NME7: variants seen among roughly 807,000 people sequenced by gnomAD.
NME7 encodes the protein nucleoside diphosphate kinase 7.
NME7 carries 41 observed loss-of-function variants against 49.1 expected under a neutral mutation model. The ratio of observed to expected loss-of-function variants is 0.83; its 90% CI spans 0.65 to 1.08. The LOEUF (loss-of-function observed/expected upper bound fraction) is 1.08, where lower values mean the gene tolerates loss of function less well. Ranked by LOEUF, NME7 falls within the 50% of genes least tolerant of loss-of-function variation. The pLI is 0.00. For synonymous variants in NME7, 139 were observed against 150.6 expected (o/e 0.92, Z 0.56); for missense variants, 423 against 463.4 (o/e 0.91, Z 0.80).
chr1:169,159,874 T>TAGGGA (rs1659192902), intron 11 of NME7, among the ~76,000 whole-genome samples: 1 of 152,180 alleles, frequency 6.6e-6, no homozygotes, highest in Non-Finnish European at 1.5e-5. Flanking sequence ...CAAACTTCCC[T>TAGGGA]AGTTTGTGAA....
At chr1:169,255,638 G>T (rs1648894793) in intron 7 of NME7, among the ~76,000 whole-genome samples, 1 of 126,970 alleles carries the variant, frequency 7.9e-6, no homozygotes, top group Non-Finnish European at 1.8e-5. Flanking sequence ...CTCGTTAGTT[G>T]ATGCAGTTTC....
In NME7 at chr1:169,276,064, G is replaced by GA. The variant is rs1394554593; in HGVS notation, c.754+11238dup. Among the ~76,000 whole-genome samples the GA allele has an allele frequency of 3.7e-5, 5 of 133,652 alleles. 1 individual carries two copies. Among genetic ancestry groups the GA allele is most frequent in the Non-Finnish European group, 8.8e-5 (5 of 56,974 alleles). The allele number at this position is 133,652 out of a possible 152,430, so 87.7% of individuals were successfully genotyped here. A position where few individuals can be genotyped will look rare whatever the true frequency, so the allele number is the denominator to read the frequency against. Reference sequence around the variant, plus strand: ...CTTGATCATGGTGGATAAGCTTTTTGATGTGCTTGCTGGATTCAGTTTGCC... The same window carrying GA: ...CTTGATCATGGTGGATAAGCTTTTTGAATGTGCTTGCTGGATTCAGTTTGCC... On this transcript the variant is annotated intron_variant, in intron 7 of 11. Transcript: ENST00000367811.
At chr1:169,315,107 T>G (rs1196266321) in intron 3 of NME7, among the ~76,000 whole-genome samples, 4 of 152,046 alleles carry the variant, frequency 2.6e-5, no homozygotes, top group Non-Finnish European at 4.4e-5. Context: ...AAAATTTTAA[T>G]AAAACCTTGG....
chr1:169,333,650 T>A (rs1850525), intron 1 of NME7, among the ~76,000 whole-genome samples: 84,764 of 150,716 alleles, frequency 0.56, 24,109 homozygotes, highest in Admixed American at 0.6. Context: ...TTTAATATTT[T>A]AAAAAAAAAG....
chr1:169,158,271 T>C (rs1399639279), intron 11 of NME7, among the ~76,000 whole-genome samples: 2 of 152,206 alleles, frequency 1.3e-5, no homozygotes, highest in African/African-American at 4.8e-5. Flanking sequence ...GTTTAATTTA[T>C]AAATTAGGCA....
intron 3 of NME7, among the ~76,000 whole-genome samples, chr1:169,321,805 T>C (rs143746579): frequency 3.3e-5 from 5 of 152,100 alleles, no homozygotes; most frequent in Non-Finnish European, 5.9e-5. Flanking sequence ...GTCATTTGAG[T>C]AGTAGATCTC....
chr1:169,357,361 G>C (rs1329698927), intron 1 of NME7, among the ~76,000 whole-genome samples: 1 of 151,966 alleles, frequency 6.6e-6, no homozygotes, highest in African/African-American at 2.4e-5. Flanking sequence ...ATGAGTTCAA[G>C]AGCCTCTGCT....
chr1:169,204,786 CACT>C (rs1378450294), intron 10 of NME7, among the ~76,000 whole-genome samples: 1 of 151,984 alleles, frequency 6.6e-6, no homozygotes. Flanking sequence ...CCTTGACTAC[CACT>C]ACATTTCAAT....
chr1:169,147,783 A>G (rs1195333664), intron 11 of NME7, among the ~76,000 whole-genome samples: 2 of 152,224 alleles, frequency 1.3e-5, no homozygotes, highest in Non-Finnish European at 2.9e-5. Context: ...GATTTCATCT[A>G]TGCTTAAGAA....
chr1:169,194,591 T>C (rs1199136163), intron 10 of NME7, among the ~76,000 whole-genome samples: 1 of 152,212 alleles, frequency 6.6e-6, no homozygotes, highest in Non-Finnish European at 1.5e-5. Context: ...TTTGTGACTA[T>C]AAAACCAACT....
chr1:169,231,334 GGAAACA>G (rs1276225413), intron 9 of NME7, among the ~76,000 whole-genome samples: 1 of 152,140 alleles, frequency 6.6e-6, no homozygotes, highest in Non-Finnish European at 1.5e-5. Context: ...CTGAAAGTAT[GGAAACA>G]GATTAGGTGA....
At position 169,172,344 on chromosome 1, in the gene NME7, GTGTGTGTGTGTATGTGTA is replaced by G. The variant is rs1309033315; in HGVS notation, c.991-2808_991-2791del. On this transcript the variant is annotated intron_variant, in intron 10 of 11. Transcript: ENST00000367811. ...CATACGTGTGTGTGTGTGTGTGTGTGTGTGTGTGTGTATGTGTATGTGTGTACTCTTCCTTGTTTTCCA... is the reference window on the plus strand; with the variant it reads ...CATACGTGTGTGTGTGTGTGTGTGTGTGTGTGTACTCTTCCTTGTTTTCCA... Among the ~76,000 whole-genome samples, 10 of 126,830 alleles carry G rather than the reference GTGTGTGTGTGTATGTGTA, an allele frequency of 7.9e-5. No homozygotes were observed. In the East Asian group the frequency reaches 0.022, roughly 278 times the overall value. The allele number at this position is 126,830 out of a possible 152,430, so 83.2% of individuals were successfully genotyped here. A position where few individuals can be genotyped will look rare whatever the true frequency, so the allele number is the denominator to read the frequency against.
intron 7 of NME7, chr1:169,287,074 A>C: frequency 2.2e-6 from 1 of 461,646 alleles, no homozygotes. Context: ...ACTGAGCCTG[A>C]GCATGATCAG....
At chr1:169,215,777 T>A (rs1249441335) in intron 10 of NME7, among the ~76,000 whole-genome samples, 1 of 152,174 alleles carries the variant, frequency 6.6e-6, no homozygotes, top group Non-Finnish European at 1.5e-5. Context: ...TATTAAATCA[T>A]AAAAAGAAGG....
chr1:169,238,489 A>G lies in NME7; in HGVS notation c.755-802T>C, dbSNP rs986198859. 2.6e-3 allele frequency among the ~76,000 whole-genome samples: 359 copies of G among 138,300 alleles called. 3 individuals carry two copies. Among genetic ancestry groups the G allele is most frequent in the African/African-American group, 8.6e-3 (335 of 39,046 alleles). The allele number at this position is 138,300 out of a possible 152,430, so 90.7% of individuals were successfully genotyped here. A position where few individuals can be genotyped will look rare whatever the true frequency, so the allele number is the denominator to read the frequency against. On this transcript the variant is annotated intron_variant, in intron 7 of 11. Transcript: ENST00000367811. Reference sequence around the variant, plus strand: ...TACATGCACAAAGGCACACACACACACACACACACACACACACACACACAC... The same window carrying G: ...TACATGCACAAAGGCACACACACACGCACACACACACACACACACACACAC...
intron 1 of NME7, among the ~76,000 whole-genome samples, chr1:169,342,171 G>C (rs1289567105): frequency 1.3e-5 from 2 of 152,138 alleles, no homozygotes; most frequent in Admixed American, 6.5e-5. Flanking sequence ...CAGGGACCTA[G>C]TGGGAGGTGA....
At chr1:169,169,649 T>C in intron 10 of NME7, 95 bp from the exon 11 acceptor site, 3 of 1,093,702 alleles carry the variant, frequency 2.7e-6, no homozygotes, top group South Asian at 2.7e-5. Context: ...ATTTATGAAA[T>C]ACATGTTATA....
chr1:169,173,793 A>T (rs1039874767), intron 10 of NME7, among the ~76,000 whole-genome samples: 7 of 152,184 alleles, frequency 4.6e-5, no homozygotes, highest in African/African-American at 1.7e-4. Flanking sequence ...TACCACGCAT[A>T]GTTCCCCTCC....
At chr1:169,318,521 G>A (rs1190605823) in intron 3 of NME7, among the ~76,000 whole-genome samples, 1 of 152,198 alleles carries the variant, frequency 6.6e-6, no homozygotes, top group African/African-American at 2.4e-5. Context: ...AATTTTGTAA[G>A]TATGTAATTA....
Sources: allele counts gnomAD v4.1 joint callset (sites outside exome capture counted in the v4.1 genomes callset), GRCh38; gene constraint gnomAD v4.1.1; transcripts MANE v1.5; gene names NCBI Gene and HGNC (gene_info 2026-07-23, HGNC 2026-07-21).